The following ABCA13 variants were observed in gnomAD, a reference collection of about 807,000 sequenced individuals.
ABCA13 encodes the protein ATP-binding cassette sub-family A member 13.
In ABCA13, 476 loss-of-function variants were observed where a neutral mutation model predicts 478.7. The observed-to-expected ratio is 0.99, with a 90% CI of 0.92 to 1.07. The LOEUF (loss-of-function observed/expected upper bound fraction) is 1.07, where lower values mean the gene tolerates loss of function less well. Among genes scored for constraint, ABCA13 ranks in the 50% least tolerant of loss-of-function variants. The pLI is 0.00. For synonymous variants in ABCA13, 2,252 were observed against 2,158.9 expected (o/e 1.04, Z -1.20); for missense variants, 6,060 against 5,910.6 (o/e 1.03, Z -0.83).
intron 47 of ABCA13, among the ~76,000 whole-genome samples, chr7:48,488,620 C>G (rs1829561675): frequency 6.6e-6 from 1 of 152,128 alleles, no homozygotes; most frequent in Admixed American, 6.5e-5. Context: ...ACTTGCTTTT[C>G]AAATTAATAA....
rs781290284 is a variant in ABCA13 at position 48,249,257 on chromosome 7, A to T, written c.1911A>T (p.Ala637=). The T allele has an allele frequency of 6.2e-7, 1 of 1,613,158 alleles. No homozygotes were observed. Among genetic ancestry groups the T allele is most frequent in the African/African-American group, 1.3e-5 (1 of 74,906 alleles). ...AAACACAATTTTTCCTGGAACAAGC[A>T]TATTATTGGAAAGCCTTCAAAAAGT... is the stretch of plus-strand genomic sequence containing the variant. The part of the protein sequence containing the change: ...LEKTQFFLEQ[A]YYWKAFKKFI... The change falls in exon 15 of 62, where the codon GCA becomes GCT. Residue 637 remains alanine, a synonymous_variant. Coordinates refer to ENST00000435803, the MANE Select transcript of ABCA13 (RefSeq NM_152701.5).
rs993554984 is a variant in ABCA13, at chr7:48,629,025, C to T, written c.14837+13648C>T. Among the ~76,000 whole-genome samples the T allele has an allele frequency of 3.9e-5, 6 of 152,336 alleles. No homozygotes were observed. In the East Asian group the frequency reaches 1.2e-3, roughly 29 times the overall value. On this transcript the variant is annotated intron_variant, in intron 59 of 61. Coordinates refer to ENST00000435803, the MANE Select transcript of ABCA13 (RefSeq NM_152701.5). ...TTATCTTTAGACAGGGTGAAGCCTG[C>T]TTTCTCTCAAAACAGTCTGCATTAT...
chr7:48,185,794 G>T (rs1796274970), intron 1 of ABCA13, among the ~76,000 whole-genome samples: 1 of 151,930 alleles, frequency 6.6e-6, no homozygotes, highest in Non-Finnish European at 1.5e-5. Context: ...TTCTATGAAG[G>T]TAAATTCAGA....
intron 54 of ABCA13, among the ~76,000 whole-genome samples, chr7:48,526,235 G>T (rs566262819): frequency 2.0e-5 from 3 of 152,194 alleles, no homozygotes; most frequent in African/African-American, 7.2e-5. Flanking sequence ...GAGACAGCAG[G>T]GCAGGAAAAG....
chr7:48,233,691 T>G (rs1789518573), intron 7 of ABCA13, among the ~76,000 whole-genome samples: 1 of 152,216 alleles, frequency 6.6e-6, no homozygotes, highest in South Asian at 2.1e-4. Context: ...TGCTCAGATA[T>G]CTGATTAAGC....
At chr7:48,172,792 C>G (rs1227160318) in intron 1 of ABCA13, among the ~76,000 whole-genome samples, 1 of 86,668 alleles carries the variant, frequency 1.2e-5, no homozygotes, top group African/African-American at 5.1e-5. Context: ...AGCGAGACTC[C>G]GTCTCAAAAA....
intron 43 of ABCA13, among the ~76,000 whole-genome samples, chr7:48,458,030 A>C (rs1263136820): frequency 6.6e-6 from 1 of 152,118 alleles, no homozygotes; most frequent in Admixed American, 6.5e-5. Flanking sequence ...TCTTGTTAGG[A>C]ATTCTCCACT....
chr7:48,340,877 C>T (rs1807052452), intron 29 of ABCA13, among the ~76,000 whole-genome samples: 1 of 152,156 alleles, frequency 6.6e-6, no homozygotes, highest in Admixed American at 6.5e-5. Flanking sequence ...CATTTCACTC[C>T]ATAGTATGAA....
intron 3 of ABCA13, among the ~76,000 whole-genome samples, chr7:48,202,861 C>T (rs181667668): frequency 0.077 from 11,719 of 152,274 alleles, 547 homozygotes; most frequent in Middle Eastern, 0.12. Flanking sequence ...CAGTGGATCC[C>T]GCACCAGGGC....
At chr7:48,427,985 G>A (rs1261161833) in intron 42 of ABCA13, 114 bp downstream of exon 42, 9 of 653,160 alleles carry the variant, frequency 1.4e-5, no homozygotes, top group East Asian at 2.9e-5. Flanking sequence ...GTGAGGAGAT[G>A]TGAGTGTATA....
At chr7:48,579,826 A>G (rs1788542296) in intron 55 of ABCA13, among the ~76,000 whole-genome samples, 1 of 152,168 alleles carries the variant, frequency 6.6e-6, no homozygotes, top group Non-Finnish European at 1.5e-5. Context: ...TATGCAGATA[A>G]GAGTCTCTCC....
At chr7:48,567,284 A>T (rs4144067) in intron 55 of ABCA13, among the ~76,000 whole-genome samples, 25,332 of 152,138 alleles carry the variant, frequency 0.17, 3,019 homozygotes, top group African/African-American at 0.32. Flanking sequence ...GTTTTGAAGT[A>T]GAAAGATACT....
chr7:48,401,659 A>G (rs1817622145), intron 38 of ABCA13, among the ~76,000 whole-genome samples: 1 of 152,016 alleles, frequency 6.6e-6, no homozygotes, highest in Admixed American at 6.6e-5. Context: ...AAGAATTTAT[A>G]AAATACACAT....
chr7:48,499,546 G>A lies in ABCA13; in HGVS notation c.13292-6790G>A, dbSNP rs527401989. On this transcript the variant is annotated intron_variant, in intron 48 of 61. Transcript: ENST00000435803. ...ACCAATGACAAATAAACAGAGTCTGGAAACCATAACAGATGTAGCCATAAT... is the reference window on the plus strand; with the variant it reads ...ACCAATGACAAATAAACAGAGTCTGAAAACCATAACAGATGTAGCCATAAT... 2.7e-4 allele frequency among the ~76,000 whole-genome samples: 41 copies of A among 152,262 alleles called. No individual in the cohort carries two copies. In the South Asian group the frequency reaches 8.5e-3, roughly 32 times the overall value.
rs75211940 is a variant in ABCA13, at chr7:48,199,218, G to A, written c.287+858G>A. Among the ~76,000 whole-genome samples, 246 of 152,064 alleles carry A rather than the reference G, an allele frequency of 1.6e-3. 1 individual carries two copies. Among genetic ancestry groups the A allele is most frequent in the African/African-American group, 5.9e-3 (243 of 41,450 alleles). ...AATTAAAAGTTTCCAGATAATTTTC[G>A]GCATATCAGGTACAATATTTATAAA... On this transcript the variant is annotated intron_variant, in intron 3 of 61. Coordinates refer to ENST00000435803, the MANE Select transcript of ABCA13 (RefSeq NM_152701.5).
At chr7:48,398,381 C>T (rs544351195) in intron 38 of ABCA13, among the ~76,000 whole-genome samples, 2 of 152,250 alleles carry the variant, frequency 1.3e-5, no homozygotes, top group African/African-American at 2.4e-5. Flanking sequence ...AGCCAATTTG[C>T]ACAAAAGCAA....
At chr7:48,645,264 A>G (rs1795367097) in intron 61 of ABCA13, among the ~76,000 whole-genome samples, 153 bp from the exon 62 acceptor site, 1 of 152,182 alleles carries the variant, frequency 6.6e-6, no homozygotes, top group African/African-American at 2.4e-5. Context: ...GGATTTATAT[A>G]TTTATGTGAT....
intron 59 of ABCA13, among the ~76,000 whole-genome samples, chr7:48,640,230 A>G (rs1161534044): frequency 6.6e-6 from 1 of 152,170 alleles, no homozygotes; most frequent in African/African-American, 2.4e-5. Context: ...TTTGGGGGGA[A>G]GGACTTTTAT....
At chr7:48,185,031 T>C (rs1796182210) in intron 1 of ABCA13, among the ~76,000 whole-genome samples, 1 of 151,354 alleles carries the variant, frequency 6.6e-6, no homozygotes, top group African/African-American at 2.4e-5. Context: ...AGATGGGGTT[T>C]CTCCATGTTG....
Sources: allele counts gnomAD v4.1 joint callset (sites outside exome capture counted in the v4.1 genomes callset), GRCh38; gene constraint gnomAD v4.1.1; transcripts MANE v1.5; gene names NCBI Gene and HGNC (gene_info 2026-07-23, HGNC 2026-07-21).